The following PCSK5 variants were observed in gnomAD, a reference collection of about 807,000 sequenced individuals.
PCSK5 encodes prohormone convertase 5.
Under a neutral mutation model 233.2 loss-of-function variants are expected in PCSK5, and 129 were observed. The ratio of observed to expected loss-of-function variants is 0.55; its 90% confidence interval spans 0.48 to 0.64. PCSK5 has a LOEUF of 0.64. PCSK5 is among the 30% of genes least tolerant of loss of function. The pLI is 0.00. For synonymous variants in PCSK5, 825 were observed against 879.2 expected (o/e 0.94, Z 1.09); for missense variants, 2,076 against 2,430.1 (o/e 0.85, Z 3.06).
chr9:76,253,515 C>A (rs990623064), intron 24 of PCSK5, among the ~76,000 whole-genome samples: 2 of 152,162 alleles, frequency 1.3e-5, no homozygotes, highest in African/African-American at 4.8e-5. Flanking sequence ...GAAGAACTTG[C>A]AGACATTGTG....
intron 1 of PCSK5, among the ~76,000 whole-genome samples, chr9:75,903,608 AT>A (rs1564071357): frequency 5.6e-5 from 8 of 142,474 alleles, no homozygotes; most frequent in Non-Finnish European, 1.2e-4. Context: ...TTATATATAT[AT>A]ATTATATATA....
Position 76,044,840 on chromosome 9 carries a change from A to C in PCSK5, c.632+17803A>C, listed in dbSNP as rs191238092. Among the ~76,000 whole-genome samples the C allele has an allele frequency of 5.9e-5, 9 of 152,324 alleles. No homozygotes were observed. The East Asian group carries it at 1.4e-3, about 23-fold the overall frequency. On this transcript the variant is annotated intron_variant, in intron 5 of 37. Coordinates refer to ENST00000674117, the MANE Select transcript of PCSK5 (RefSeq NM_001372043.1). ...ATTTTTTTGTGAAGGGGACTATTCAAATTCTCTTGGAAAGGCTGAATGGTT... is the reference window on the plus strand; with the variant it reads ...ATTTTTTTGTGAAGGGGACTATTCACATTCTCTTGGAAAGGCTGAATGGTT...
chr9:76,257,879 C>A (rs1827035311), intron 24 of PCSK5, among the ~76,000 whole-genome samples: 1 of 152,192 alleles, frequency 6.6e-6, no homozygotes, highest in Non-Finnish European at 1.5e-5. Flanking sequence ...CTGTAGCAAC[C>A]AACTTTCCTT....
At chr9:76,209,907 T>C (rs1486036395) in intron 20 of PCSK5, among the ~76,000 whole-genome samples, 2 of 152,200 alleles carry the variant, frequency 1.3e-5, no homozygotes, top group African/African-American at 4.8e-5. Context: ...ATTCAGATAA[T>C]TCTTCACAGA....
intron 24 of PCSK5, among the ~76,000 whole-genome samples, chr9:76,260,896 G>A (rs1312751123): frequency 6.6e-6 from 1 of 152,096 alleles, no homozygotes; most frequent in Non-Finnish European, 1.5e-5. Context: ...CAATAAATGT[G>A]AGCATTTCTT....
chr9:76,130,431 G>A (rs78202638), intron 9 of PCSK5, among the ~76,000 whole-genome samples: 1,785 of 152,276 alleles, frequency 0.012, 47 homozygotes, highest in African/African-American at 0.041. Flanking sequence ...GCCAAGTCCA[G>A]CTGGCTTGAA....
chr9:75,924,999 G>A (rs921649598), intron 1 of PCSK5, among the ~76,000 whole-genome samples: 9 of 152,126 alleles, frequency 5.9e-5, no homozygotes, highest in African/African-American at 2.2e-4. Context: ...GTGAAGTAAT[G>A]GCTGGCTTGT....
intron 2 of PCSK5, among the ~76,000 whole-genome samples, chr9:75,979,118 T>G (rs896867669): frequency 6.6e-6 from 1 of 152,106 alleles, no homozygotes; most frequent in Non-Finnish European, 1.5e-5. Flanking sequence ...CCTCCCAAAG[T>G]GCTGGGATTA....
intron 9 of PCSK5, among the ~76,000 whole-genome samples, chr9:76,121,225 G>T (rs1832618793): frequency 6.6e-6 from 1 of 151,766 alleles, no homozygotes; most frequent in Non-Finnish European, 1.5e-5. Context: ...AGATTTGGGT[G>T]TTTCCGTATC....
chr9:76,030,846 G>T (rs66464458), intron 5 of PCSK5, among the ~76,000 whole-genome samples: 6 of 151,756 alleles, frequency 4.0e-5, no homozygotes, highest in African/African-American at 1.2e-4. Flanking sequence ...CATGACAGTC[G>T]TGCTCATCTG....
At chr9:76,057,249 G>A (rs116202743) in intron 5 of PCSK5, among the ~76,000 whole-genome samples, 2,726 of 152,052 alleles carry the variant, frequency 0.018, 91 homozygotes, top group African/African-American at 0.063. Context: ...ATAATTCTGT[G>A]GGAATAAAAA....
chr9:76,269,508 G>A (rs1015988749), intron 24 of PCSK5, among the ~76,000 whole-genome samples: 1 of 152,130 alleles, frequency 6.6e-6, no homozygotes, highest in Non-Finnish European at 1.5e-5. Context: ...GCTTAAAAAG[G>A]GTATTAAAGA....
At chr9:76,280,047 G>A (rs566665654) in intron 24 of PCSK5, among the ~76,000 whole-genome samples, 59 of 152,268 alleles carry the variant, frequency 3.9e-4, no homozygotes, top group African/African-American at 9.6e-4. Flanking sequence ...CCTGCCACAA[G>A]CCTGTCTCTA....
At chr9:76,342,527 T>C (rs941741650) in intron 35 of PCSK5, among the ~76,000 whole-genome samples, 1 of 152,260 alleles carries the variant, frequency 6.6e-6, no homozygotes, top group Non-Finnish European at 1.5e-5. Context: ...GTCTAGCCAC[T>C]GAGCTGAAAT....
At chr9:75,914,757 A>G (rs908554867) in intron 1 of PCSK5, among the ~76,000 whole-genome samples, 4 of 152,160 alleles carry the variant, frequency 2.6e-5, no homozygotes, top group Non-Finnish European at 5.9e-5. Context: ...AATAATTTTT[A>G]TATTTATCAG....
intron 32 of PCSK5, 60 bp downstream of exon 32, chr9:76,323,348 C>T (rs900667570): frequency 1.4e-5 from 13 of 960,798 alleles, no homozygotes; most frequent in African/African-American, 1.3e-4. Flanking sequence ...GCCCCAGCCC[C>T]AGCGCCAGAG....
intron 2 of PCSK5, among the ~76,000 whole-genome samples, chr9:75,934,586 T>TTA (rs1564092538): frequency 6.6e-6 from 1 of 151,368 alleles, no homozygotes; most frequent in East Asian, 1.9e-4. Context: ...TTTTTTTTTT[T>TTA]AAATTTTTTT....
chr9:76,025,168 C>G (rs149911386), intron 4 of PCSK5, among the ~76,000 whole-genome samples: 65 of 152,180 alleles, frequency 4.3e-4, no homozygotes, highest in African/African-American at 1.5e-3. Flanking sequence ...AAGTTATTTT[C>G]AGAAAGAGGA....
chr9:76,024,770 T>C (rs1156606804), intron 4 of PCSK5, among the ~76,000 whole-genome samples: 1 of 152,244 alleles, frequency 6.6e-6, no homozygotes, highest in East Asian at 1.9e-4. Context: ...CTCTCGGTTC[T>C]TCTTTATGTT....
Sources: allele counts gnomAD v4.1 joint callset (sites outside exome capture counted in the v4.1 genomes callset), GRCh38; gene constraint gnomAD v4.1.1; transcripts MANE v1.5; gene names NCBI Gene and HGNC (gene_info 2026-07-23, HGNC 2026-07-21).